Variants in SLC39A14 observed in about 807,000 individuals in gnomAD.
SLC39A14 encodes solute carrier family 39 member 14.
Under a neutral mutation model 45.5 loss-of-function variants are expected in SLC39A14, and 19 were observed. That is an observed-to-expected ratio of 0.42 (90% CI 0.29 to 0.61). The LOEUF is 0.61. Ranked by LOEUF, SLC39A14 falls within the 20% of genes least tolerant of loss-of-function variation. SLC39A14 has a pLI of 0.22. For synonymous variants in SLC39A14, 264 were observed against 251.3 expected (o/e 1.05, Z -0.48); for missense variants, 447 against 616.5 (o/e 0.73, Z 2.91).
chr8:22,398,813 A>G (rs1484006181), intron 1 of SLC39A14: 16 of 930,862 alleles, frequency 1.7e-5, no homozygotes, highest in South Asian at 9.9e-5. Context: ...TGGAATTCCA[A>G]TTATGGGCCT....
chr8:22,404,566 A>G, intron 1 of SLC39A14, 130 bp from the exon 2 acceptor site: 1 of 826,534 alleles, frequency 1.2e-6, no homozygotes. Flanking sequence ...TCAAAGGCTA[A>G]TTCAAGAAGG....
At chr8:22,382,220 C>T (rs1401678036) in intron 1 of SLC39A14, among the ~76,000 whole-genome samples, 2 of 151,844 alleles carry the variant, frequency 1.3e-5, no homozygotes, top group African/African-American at 4.8e-5. Flanking sequence ...AAAAGTAAAC[C>T]TAAAACGTTG....
At chr8:22,387,422 A>G in intron 1 of SLC39A14, among the ~76,000 whole-genome samples, 1 of 152,176 alleles carries the variant, frequency 6.6e-6, no homozygotes, top group South Asian at 2.1e-4. Context: ...GGTTGGTGTT[A>G]GCTGGAAAGG....
chr8:22,398,826 G>A (rs373398715), intron 1 of SLC39A14: 252 of 853,854 alleles, frequency 3.0e-4, no homozygotes, highest in Admixed American at 2.1e-3. Flanking sequence ...ATGGGCCTCT[G>A]GATGGTAAGG....
At chr8:22,372,040 G>A (rs1277661791) in intron 1 of SLC39A14, among the ~76,000 whole-genome samples, 4 of 152,098 alleles carry the variant, frequency 2.6e-5, no homozygotes, top group East Asian at 1.9e-4. Context: ...ACTTGCACCC[G>A]GCCCCTTTAT....
intron 1 of SLC39A14, among the ~76,000 whole-genome samples, chr8:22,375,555 G>C (rs1337715294): frequency 1.3e-5 from 2 of 151,572 alleles, no homozygotes; most frequent in Non-Finnish European, 2.9e-5. Flanking sequence ...GCACAATCTC[G>C]GCTCACTGCA....
At chr8:22,405,260 C>T (rs1835145544) in intron 2 of SLC39A14, among the ~76,000 whole-genome samples, 1 of 152,226 alleles carries the variant, frequency 6.6e-6, no homozygotes, top group Non-Finnish European at 1.5e-5. Flanking sequence ...CGCCTGTAAT[C>T]CCAGCACTTT....
In SLC39A14 at chr8:22,422,215, T is replaced by G. The variant is rs1836265948; in HGVS notation, c.*2517T>G. The G allele has an allele frequency of 2.0e-6, 2 of 985,422 alleles. No individual in the cohort carries two copies. The highest frequency in any genetic ancestry group is 3.5e-5 in the African/African-American group (2 of 57,348). The allele number at this position is 985,422 out of a possible 1,614,324, so 61.0% of individuals were successfully genotyped here. On this transcript the variant is annotated 3_prime_UTR_variant, in exon 9 of 9. Coordinates refer to ENST00000381237, the MANE Select transcript of SLC39A14 (RefSeq NM_001128431.4). ...TTCCAGATGCACCAGCTCCTATTAA[T>G]AAGTTAGCAAGGAAAGTGTATGTCA...
intron 1 of SLC39A14, among the ~76,000 whole-genome samples, chr8:22,385,959 A>G (rs953010581): frequency 2.6e-5 from 4 of 152,188 alleles, no homozygotes; most frequent in African/African-American, 9.6e-5. Context: ...TATTTTTTTG[A>G]GAGACAGAGT....
At chr8:22,369,498 G>A (rs561160269) in intron 1 of SLC39A14, among the ~76,000 whole-genome samples, 5 of 152,332 alleles carry the variant, frequency 3.3e-5, no homozygotes, top group East Asian at 1.9e-4. Flanking sequence ...CCACCATGGC[G>A]GGTGCACGCA....
intron 3 of SLC39A14, among the ~76,000 whole-genome samples, chr8:22,409,023 GTT>G (rs1376269698): frequency 6.6e-6 from 1 of 152,016 alleles, no homozygotes; most frequent in Non-Finnish European, 1.5e-5. Context: ...GTCTCACTAT[GTT>G]ACCCAGGCTG....
chr8:22,420,601 G>A lies in SLC39A14; in HGVS notation c.*903G>A. ...GCACATTTGAGACCTCTGTGTTAGA[G>A]GGGAGACTGCACAAACTATCCTCCC... On this transcript the variant is annotated 3_prime_UTR_variant, in exon 9 of 9. Transcript: ENST00000381237. The A allele has an allele frequency of 3.0e-6, 3 of 985,408 alleles. No individual in the cohort carries two copies. Among genetic ancestry groups the A allele is most frequent in the Non-Finnish European group, 3.6e-6 (3 of 829,924 alleles). The allele number at this position is 985,408 out of a possible 1,614,324, so 61.0% of individuals were successfully genotyped here. A position where few individuals can be genotyped will look rare whatever the true frequency, so the allele number is the denominator to read the frequency against.
chr8:22,404,358 C>T (rs11986851), intron 1 of SLC39A14, among the ~76,000 whole-genome samples: 46,671 of 149,012 alleles, frequency 0.31, 10,007 homozygotes, highest in African/African-American at 0.63. Flanking sequence ...ACCCAGGAGG[C>T]GGAGGTTGCA....
intron 2 of SLC39A14, among the ~76,000 whole-genome samples, chr8:22,405,740 G>A (rs1586719122): frequency 6.6e-6 from 1 of 152,204 alleles, no homozygotes; most frequent in South Asian, 2.1e-4. Flanking sequence ...AGAGGACACC[G>A]AGGGTCCCGC....
intron 4 of SLC39A14, among the ~76,000 whole-genome samples, chr8:22,412,500 T>A (rs1424726521): frequency 2.6e-5 from 4 of 152,228 alleles, no homozygotes; most frequent in Middle Eastern, 6.8e-3. Context: ...CAGGATGATG[T>A]TGTGAGGGTG....
At chr8:22,373,115 T>G (rs1157855998) in intron 1 of SLC39A14, among the ~76,000 whole-genome samples, 1 of 151,858 alleles carries the variant, frequency 6.6e-6, no homozygotes, top group African/African-American at 2.4e-5. Context: ...TACAAAAAAT[T>G]AGCTGGGTGT....
chr8:22,421,140 CCTTT>C lies in SLC39A14; in HGVS notation c.*1446_*1449del, dbSNP rs1563624575. 1 of 985,690 alleles carries C rather than the reference CCTTT, an allele frequency of 1.0e-6. No homozygotes were observed. The allele number at this position is 985,690 out of a possible 1,614,324, so 61.1% of individuals were successfully genotyped here. A position where few individuals can be genotyped will look rare whatever the true frequency, so the allele number is the denominator to read the frequency against. ...TTTGGGGAGCCTGTCTCTCCAGAAG[CCTTT>C]CTTAGTGGTGCCCACAGTTGGAGCC... On this transcript the variant is annotated 3_prime_UTR_variant, in exon 9 of 9. Coordinates refer to ENST00000381237, the MANE Select transcript of SLC39A14 (RefSeq NM_001128431.4).
Position 22,420,559 on chromosome 8 carries a change from C to T in SLC39A14, c.*861C>T. The T allele has an allele frequency of 1.0e-6, 1 of 985,346 alleles. No homozygotes were observed. Among genetic ancestry groups the T allele is most frequent in the Non-Finnish European group, 1.2e-6 (1 of 829,896 alleles). 61.0% of individuals were successfully genotyped at this position (985,346 alleles called of 1,614,324 possible). A position where few individuals can be genotyped will look rare whatever the true frequency, so the allele number is the denominator to read the frequency against. ...TTCTAAGAGACTTTGTAGCTGCCTC[C>T]TAGAAGCACATTCTGAGCACATTTG... On this transcript the variant is annotated 3_prime_UTR_variant, in exon 9 of 9. Coordinates refer to ENST00000381237, the MANE Select transcript of SLC39A14 (RefSeq NM_001128431.4).
At chr8:22,431,580 T>C (rs7837700) in intron 8 of SLC39A14, among the ~76,000 whole-genome samples, 47,379 of 152,068 alleles carry the variant, frequency 0.31, 7,651 homozygotes, top group East Asian at 0.5. Context: ...AGGAAGCGCT[T>C]AGGGAGTTTC....
Sources: allele counts gnomAD v4.1 joint callset (sites outside exome capture counted in the v4.1 genomes callset), GRCh38; gene constraint gnomAD v4.1.1; transcripts MANE v1.5; gene names NCBI Gene and HGNC (gene_info 2026-07-23, HGNC 2026-07-21).